LNX2: variants seen among roughly 807,000 people sequenced by gnomAD.
LNX2 encodes the protein ligand of Numb protein X 2.
Under a neutral mutation model 66.2 loss-of-function variants are expected in LNX2, and 35 were observed. The ratio of observed to expected loss-of-function variants is 0.53; its 90% CI spans 0.40 to 0.70. The LOEUF is 0.70. Among genes scored for constraint, LNX2 ranks in the 30% least tolerant of loss-of-function variants. The pLI is 0.00. For synonymous variants in LNX2, 337 were observed against 315.6 expected (o/e 1.07, Z -0.72); for missense variants, 791 against 850.8 (o/e 0.93, Z 0.87).
chr13:27,561,721 T>C (rs1452622272), intron 5 of LNX2, among the ~76,000 whole-genome samples: 2 of 152,246 alleles, frequency 1.3e-5, no homozygotes, highest in East Asian at 3.8e-4. Flanking sequence ...TTTGTTTTGC[T>C]AACTTTAAGA....
chr13:27,569,118 T>C lies in LNX2; in HGVS notation c.566A>G (p.Glu189Gly). The C allele has an allele frequency of 1.2e-6, 2 of 1,613,166 alleles. No homozygotes were observed. The highest frequency in any genetic ancestry group is 1.7e-6 in the Non-Finnish European group (2 of 1,179,696). The change falls in exon 3 of 10, where the codon GAG becomes GGG. Residue 189 changes from glutamate to glycine, a missense_variant. By Grantham distance (98) the Glu-to-Gly change is moderately conservative. Coordinates refer to ENST00000316334, the MANE Select transcript of LNX2 (RefSeq NM_153371.4). ...AAGAGACGCTGATGTCAAGTGCCGCTCCACAGGCACTGCGCCTGTCCCCAA... is the reference window on the plus strand; with the variant it reads ...AAGAGACGCTGATGTCAAGTGCCGCCCCACAGGCACTGCGCCTGTCCCCAA... ...DCLGTGAVPV[E>G]RHLTSASLST...
intron 5 of LNX2, among the ~76,000 whole-genome samples, chr13:27,560,584 T>G (rs934063903): frequency 6.7e-6 from 1 of 149,056 alleles, no homozygotes; most frequent in Non-Finnish European, 1.5e-5. Flanking sequence ...TATATATATA[T>G]AGCATACTTG....
At chr13:27,580,725 C>G (rs1955387913) in intron 2 of LNX2, among the ~76,000 whole-genome samples, 2 of 152,118 alleles carry the variant, frequency 1.3e-5, no homozygotes, top group Non-Finnish European at 2.9e-5. Flanking sequence ...AAGATCTTAG[C>G]AAATAAAATA....
Position 27,569,296 on chromosome 13 carries a change from T to C in LNX2, c.408-20A>G, listed in dbSNP as rs1209176387. The C allele has an allele frequency of 1.2e-6, 2 of 1,600,714 alleles. No individual in the cohort carries two copies. Among genetic ancestry groups the C allele is most frequent in the Non-Finnish European group, 1.7e-6 (2 of 1,176,128 alleles). On this transcript the variant is annotated intron_variant, in intron 2 of 9. Coordinates refer to ENST00000316334, the MANE Select transcript of LNX2 (RefSeq NM_153371.4). The stretch of plus-strand genomic sequence containing the variant: ...GGACATCTAGAAAAAGAATATCAGA[T>C]GGTTTCCAGATGATTTTGAAAACAA...
chr13:27,600,585 G>A (rs1955646642), intron 1 of LNX2, among the ~76,000 whole-genome samples: 1 of 152,152 alleles, frequency 6.6e-6, no homozygotes, highest in African/African-American at 2.4e-5. Context: ...TGCAAATGAT[G>A]GAAAACCTGA....
rs200492157 is a variant in LNX2, at chr13:27,550,469, T to A, written c.1801A>T (p.Ile601Leu). The A allele has an allele frequency of 6.2e-7, 1 of 1,614,008 alleles. No individual in the cohort carries two copies. The highest frequency in any genetic ancestry group is 1.1e-5 in the South Asian group (1 of 91,070). Residue 601 changes from isoleucine (I) to leucine (L), a missense_variant, in exon 9 of 10, where the codon ATA becomes TTA. Transcript: ENST00000316334. ...CCCAAGTAACTTCTTCGTAAAACTA[T>A]ATCGTGGCAGCTATGAAGTGTGCTA... ...LPSTLHSCHDIVLRRSYLGSW... is the reference protein window; with the variant it reads ...LPSTLHSCHDLVLRRSYLGSW...
intron 6 of LNX2, 127 bp from the exon 7 acceptor site, chr13:27,556,540 C>T (rs1955063354): frequency 5.0e-6 from 4 of 797,978 alleles, no homozygotes; most frequent in Non-Finnish European, 7.9e-6. Context: ...TCCTTAATTG[C>T]AAATGAAAGT....
Position 27,583,258 on chromosome 13 carries a change from G to GCA in LNX2, c.-100-1456_-100-1455insTG, listed in dbSNP as rs1555268520. Among the ~76,000 whole-genome samples, 3 of 84,858 alleles carry GCA rather than the reference G, an allele frequency of 3.5e-5. 1 individual carries two copies. The highest frequency in any genetic ancestry group is 6.7e-5 in the Non-Finnish European group (3 of 45,094). The allele number at this position is 84,858 out of a possible 152,430, so 55.7% of individuals were successfully genotyped here. A position where few individuals can be genotyped will look rare whatever the true frequency, so the allele number is the denominator to read the frequency against. Reference sequence around the variant, plus strand: ...TGTGTGTGTGTGTGTGTGTGTGTGCGCGCGTCCTCTCCAACATACTTATTT... The same window carrying GCA: ...TGTGTGTGTGTGTGTGTGTGTGTGCGCACGCGTCCTCTCCAACATACTTATTT... On this transcript the variant is annotated intron_variant, in intron 1 of 9. Transcript: ENST00000316334.
intron 1 of LNX2, among the ~76,000 whole-genome samples, chr13:27,588,565 G>T (rs754730674): frequency 2.0e-5 from 3 of 152,160 alleles, no homozygotes; most frequent in African/African-American, 7.2e-5. Context: ...AACGGAAATT[G>T]TATCAATGCC....
intron 1 of LNX2, among the ~76,000 whole-genome samples, chr13:27,585,428 G>GA (rs982423609): frequency 6.7e-6 from 1 of 149,084 alleles, no homozygotes; most frequent in African/African-American, 2.5e-5. Flanking sequence ...TCTCAAAAAG[G>GA]AAAAAAATAA....
intron 1 of LNX2, among the ~76,000 whole-genome samples, chr13:27,585,812 T>C (rs1318496087): frequency 1.3e-5 from 2 of 151,942 alleles, no homozygotes; most frequent in African/African-American, 2.4e-5. Context: ...AATTCTAGCC[T>C]CCCACATGAT....
chr13:27,599,307 G>T (rs1955630498), intron 1 of LNX2, among the ~76,000 whole-genome samples: 2 of 152,088 alleles, frequency 1.3e-5, no homozygotes, highest in Non-Finnish European at 2.9e-5. Flanking sequence ...TTCTCCTAGG[G>T]CTTTAACATA....
In LNX2 at chr13:27,548,460, T is replaced by C. The variant is rs775692571; in HGVS notation, c.1948A>G (p.Met650Val). The C allele has an allele frequency of 6.2e-7, 1 of 1,613,894 alleles. No individual in the cohort carries two copies. The highest frequency in any genetic ancestry group is 1.1e-5 in the South Asian group (1 of 91,016). Reference sequence around the variant, plus strand: ...GACAGCCCATTTACGGCCACAATCATGTCACCACACCTGGACAAAGAGAGA... The same window carrying C: ...GACAGCCCATTTACGGCCACAATCACGTCACCACACCTGGACAAAGAGAGA... ...YYDGRLKCGDMIVAVNGLSTV... is the reference protein window; with the variant it reads ...YYDGRLKCGDVIVAVNGLSTV... Residue 650 changes from methionine to valine, a missense_variant, in exon 10 of 10, where the codon ATG (methionine) becomes GTG (valine). Physicochemically the swap from Met to Val is conservative, Grantham distance 21. Coordinates refer to ENST00000316334, the MANE Select transcript of LNX2 (RefSeq NM_153371.4).
chr13:27,599,723 A>G (rs1410156145), intron 1 of LNX2, among the ~76,000 whole-genome samples: 1 of 152,172 alleles, frequency 6.6e-6, no homozygotes. Flanking sequence ...CCTGCAGATT[A>G]TGTTAATGGA....
rs898919243 is a variant in LNX2 at position 27,550,608 on chromosome 13, C to T, written c.1779-117G>A. 6 of 687,648 alleles carry T rather than the reference C, an allele frequency of 8.7e-6. No homozygotes were observed. The African/African-American group carries it at 1.1e-4, about 12-fold the overall frequency. The allele number at this position is 687,648 out of a possible 1,614,324, so 42.6% of individuals were successfully genotyped here. ...CCACTCTTGGAAAAAAGAAAAAGGG[C>T]TATTAATAAATAGATTATTTTGACA... On this transcript the variant is annotated intron_variant, in intron 8 of 9. Coordinates refer to ENST00000316334, the MANE Select transcript of LNX2 (RefSeq NM_153371.4).
rs1361171408 is a variant in LNX2 at position 27,546,801 on chromosome 13, T to C, written c.*1534A>G. ...TTCTAAATGAAATTTTTTTCAAGTATGTATAATATTAATAAGGTAAAGATA... is the reference window on the plus strand; with the variant it reads ...TTCTAAATGAAATTTTTTTCAAGTACGTATAATATTAATAAGGTAAAGATA... On this transcript the variant is annotated 3_prime_UTR_variant, in exon 10 of 10. Transcript: ENST00000316334. 6.6e-6 allele frequency: 1 copy of C among 152,172 alleles called. No individual in the cohort carries two copies. The highest frequency in any genetic ancestry group is 2.4e-5 in the African/African-American group (1 of 41,440). 9.4% of individuals were successfully genotyped at this position (152,172 alleles called of 1,614,324 possible).
chr13:27,562,681 C>T lies in LNX2; in HGVS notation c.956G>A (p.Arg319His), dbSNP rs1251500616. 37 of 1,614,020 alleles carry T rather than the reference C, an allele frequency of 2.3e-5. No homozygotes were observed. The highest frequency in any genetic ancestry group is 1.6e-4 in the Middle Eastern group (1 of 6,084). The change falls in exon 5 of 10, where the codon CGC becomes CAC. Residue 319 changes from arginine (R) to histidine (H), a missense_variant. Transcript: ENST00000316334. ...ATGGTTGTGTGCTCGGTTGCCAAAG[C>T]GCCTCTCTCGAAGCACAGTAAGATG... ...TLHLTVLRER[R>H]FGNRAHNHSD...
chr13:27,586,091 T>TA, intron 1 of LNX2, among the ~76,000 whole-genome samples: 1 of 149,488 alleles, frequency 6.7e-6, no homozygotes, highest in East Asian at 1.9e-4. Flanking sequence ...TATATCTATA[T>TA]AATATCTAAG....
chr13:27,583,021 G>A (rs1161427165), intron 1 of LNX2, among the ~76,000 whole-genome samples: 9 of 151,804 alleles, frequency 5.9e-5, no homozygotes, highest in Non-Finnish European at 1.3e-4. Context: ...AAATAACAGC[G>A]CAAATGCTGC....
Sources: gnomAD v4.1 joint callset for allele counts (sites outside exome capture counted in the v4.1 genomes callset) on GRCh38, gnomAD v4.1.1 for gene constraint, MANE v1.5 for transcripts, NCBI Gene and HGNC (gene_info 2026-07-23, HGNC 2026-07-21) for gene names.